Variants in MYO15A observed in about 807,000 individuals in gnomAD.
MYO15A encodes the protein unconventional myosin-XV.
MYO15A carries 308 observed loss-of-function variants against 394.6 expected under a neutral mutation model. That is an observed-to-expected ratio of 0.78 (90% CI 0.71 to 0.86). The LOEUF is 0.86. MYO15A is among the 40% of genes least tolerant of loss of function. The pLI is 0.00. For synonymous variants in MYO15A, 1,957 were observed against 2,003.8 expected (o/e 0.98, Z 0.62); for missense variants, 4,606 against 4,799.1 (o/e 0.96, Z 1.19).
At position 18,151,443 on chromosome 17, in the gene MYO15A, A is replaced by G. The variant is rs904830939; in HGVS notation, c.7703A>G (p.His2568Arg). ...CGGTACTCTACGCTCAACTCTGAGC[A>G]CTTCCCACAGCCCACACAGCAGATC... is the stretch of plus-strand genomic sequence containing the variant. ...LVRYSTLNSE[H>R]FPQPTQQIKN... The change falls in exon 40 of 66, where the codon CAC (histidine) becomes CGC (arginine). Residue 2568 changes from histidine (H) to arginine (R), a missense_variant. Physicochemically the swap from His to Arg is conservative, Grantham distance 29 (BLOSUM62 0). Coordinates refer to ENST00000647165, the MANE Select transcript of MYO15A (RefSeq NM_016239.4). 1.9e-6 allele frequency: 3 copies of G among 1,614,052 alleles called. No individual in the cohort carries two copies. The African/African-American group carries it at 4.0e-5, about 22-fold the overall frequency.
intron 54 of MYO15A, 48 bp from the exon 55 acceptor site, chr17:18,159,558 G>A (rs1033554408): frequency 1.2e-6 from 2 of 1,605,214 alleles, no homozygotes; most frequent in African/African-American, 1.3e-5. Context: ...GGGGTGGGTG[G>A]GCAACTGGGG....
intron 65 of MYO15A, chr17:18,177,198 C>T (rs1379537635): frequency 2.0e-5 from 3 of 152,218 alleles, no homozygotes; most frequent in African/African-American, 7.2e-5. Flanking sequence ...GTGACTGAGA[C>T]CCCCTCAGCT....
Position 18,151,255 on chromosome 17 carries a change from C to T in MYO15A, c.7619C>T (p.Pro2540Leu). The T allele has an allele frequency of 1.2e-6, 2 of 1,614,202 alleles. No homozygotes were observed. The highest frequency in any genetic ancestry group is 1.7e-5 in the Admixed American group (1 of 60,028). ...PRLPIKPVAA[P>L]VLAQDQASPE... ...CTCCCCATCAAGCCTGTGGCTGCCC[C>T]TGTTCTAGCTCAGGATCAGGCTTCT... Residue 2540 changes from proline (P) to leucine (L), a missense_variant, in exon 39 of 66, where the codon CCT becomes CTT. Transcript: ENST00000647165.
intron 16 of MYO15A, 75 bp downstream of exon 16, chr17:18,137,754 T>C: frequency 6.7e-7 from 1 of 1,492,632 alleles, no homozygotes; most frequent in Non-Finnish European, 9.2e-7. Flanking sequence ...GATGAGGATA[T>C]ACTGGTTGTT....
At position 18,148,836 on chromosome 17, in the gene MYO15A, C is replaced by T. The variant is rs772401907; in HGVS notation, c.6840C>T (p.His2280=). 1.1e-5 allele frequency: 18 copies of T among 1,606,312 alleles called. No individual in the cohort carries two copies. Among genetic ancestry groups the T allele is most frequent in the Non-Finnish European group, 1.4e-5 (16 of 1,176,354 alleles). The change falls in exon 33 of 66, where the codon CAC becomes CAT. Residue 2280 remains histidine (H), a synonymous_variant. Transcript: ENST00000647165. The surrounding 1 kb of genome is among the most constrained non-coding windows in gnomAD (Gnocchi z 4.8). ...TCCAGTGGGCAGAGCTGGCTGGCCA[C>T]GACTACGTGTTAGACCTGGTGTCGG... The part of the protein sequence containing the change: ...NGVQWAELAG[H]DYVLDLVSDL...
rs368814566 is a variant in MYO15A at position 18,119,573 on chromosome 17, A to C, written c.773A>C (p.Glu258Ala). The C allele has an allele frequency of 7.0e-5, 113 of 1,606,090 alleles. No individual in the cohort carries two copies. The highest frequency in any genetic ancestry group is 9.6e-5 in the Non-Finnish European group (113 of 1,179,916). ...TCACTCCACCGCTACGAGGAGCAGG[A>C]ACCCTACCTGGCGGGCCTCGGCCCC... The part of the protein sequence containing the change: ...RQSLHRYEEQ[E>A]PYLAGLGPYS... Residue 258 changes from glutamate to alanine, a missense_variant, in exon 2 of 66, where the codon GAA becomes GCA. Glu to Ala is a moderately radical substitution (Grantham distance 107). Around this residue, in one of 2 missense-constraint regions of MYO15A, gnomAD observed 1,830 missense variants for 1,689.7 expected, o/e 1.08. Transcript: ENST00000647165.
chr17:18,130,819 T>A lies in MYO15A; in HGVS notation c.4038+9T>A, dbSNP rs1203908362. The A allele has an allele frequency of 1.7e-5, 8 of 463,358 alleles. No individual in the cohort carries two copies. The highest frequency in any genetic ancestry group is 8.4e-5 in the South Asian group (2 of 23,744). 28.7% of individuals were successfully genotyped at this position (463,358 alleles called of 1,614,324 possible). A position where few individuals can be genotyped will look rare whatever the true frequency, so the allele number is the denominator to read the frequency against. On this transcript the variant is annotated intron_variant, in intron 8 of 65. Coordinates refer to ENST00000647165, the MANE Select transcript of MYO15A (RefSeq NM_016239.4). Reference sequence around the variant, plus strand: ...CGCTCTTGAAGATAAAGGTACTCAGTGTGTGTGTGTGTGTGTGTGTGTGTG... The same window carrying A: ...CGCTCTTGAAGATAAAGGTACTCAGAGTGTGTGTGTGTGTGTGTGTGTGTG...
In MYO15A at chr17:18,150,649, G is replaced by A. The variant is rs2046562876; in HGVS notation, c.7328-49G>A. The A allele has an allele frequency of 6.3e-7, 1 of 1,598,760 alleles. No individual in the cohort carries two copies. The highest frequency in any genetic ancestry group is 8.5e-7 in the Non-Finnish European group (1 of 1,171,332). On this transcript the variant is annotated intron_variant, in intron 36 of 65. Coordinates refer to ENST00000647165, the MANE Select transcript of MYO15A (RefSeq NM_016239.4). This position sits in a 1 kb window ranked among gnomAD's most constrained non-coding sequence, Gnocchi z 4.4. Reference sequence around the variant, plus strand: ...GCATGATGGGGGCTGAGAGGACAGGGAGGAGGGCATCTCCGGTGCCATCTG... The same window carrying A: ...GCATGATGGGGGCTGAGAGGACAGGAAGGAGGGCATCTCCGGTGCCATCTG...
Position 18,141,082 on chromosome 17 carries a change from A to T in MYO15A, c.5470A>T (p.Thr1824Ser). ...ATTACGCTATTCAGGGGTGCTGGAG[A>T]CCGTGAGGATCCGCAAGGAGGGATT... is the stretch of plus-strand genomic sequence containing the variant. The part of the protein sequence containing the change: ...AQLRYSGVLE[T>S]VRIRKEGFPV... The change falls in exon 22 of 66, where the codon ACC becomes TCC. Residue 1824 changes from threonine (T) to serine (S), a missense_variant. Transcript: ENST00000647165. The T allele has an allele frequency of 6.2e-7, 1 of 1,613,962 alleles. No homozygotes were observed. Among genetic ancestry groups the T allele is most frequent in the Non-Finnish European group, 8.5e-7 (1 of 1,180,026 alleles).
In MYO15A at chr17:18,153,726, A is replaced by T. The variant is rs777260429; in HGVS notation, c.7967-49A>T. On this transcript the variant is annotated intron_variant, in intron 42 of 65. Transcript: ENST00000647165. The surrounding 1 kb of genome is among the most constrained non-coding windows in gnomAD (Gnocchi z 4.1). The stretch of plus-strand genomic sequence containing the variant: ...AAATATATATATATATTAATTAAAT[A>T]AAAAAACGAGGTGCCTTCTCCTGAC... The T allele has an allele frequency of 1.3e-6, 2 of 1,576,686 alleles. No individual in the cohort carries two copies. The highest frequency in any genetic ancestry group is 1.7e-6 in the Non-Finnish European group (2 of 1,164,404).
At chr17:18,171,503 C>A in intron 62 of MYO15A, 135 bp from the exon 63 acceptor site, 1 of 1,357,406 alleles carries the variant, frequency 7.4e-7, no homozygotes, top group Non-Finnish European at 1.0e-6. Flanking sequence ...CACTTTCAGC[C>A]CATTTACACT....
At position 18,178,763 on chromosome 17, in the gene MYO15A, C is replaced by T; in HGVS notation, c.10492-6C>T. On this transcript the variant is annotated splice_polypyrimidine_tract_variant and splice_region_variant and intron_variant, in intron 65 of 65. Transcript: ENST00000647165. ...GATGGGCGTGGACTGTCACTGTCAC[C>T]TGCAGGGACTGGAACTGTGTCGTGT... 6.2e-7 allele frequency: 1 copy of T among 1,613,690 alleles called. No individual in the cohort carries two copies. The highest frequency in any genetic ancestry group is 8.5e-7 in the Non-Finnish European group (1 of 1,179,674).
At chr17:18,109,940 G>A (rs1218137587) in intron 1 of MYO15A, 1 of 152,178 alleles carries the variant, frequency 6.6e-6, no homozygotes, top group African/African-American at 2.4e-5. Flanking sequence ...AAGCCGAGTC[G>A]AGACCCTCTC....
At position 18,132,591 on chromosome 17, in the gene MYO15A, G is replaced by A. The variant is rs746291581; in HGVS notation, c.4320+25G>A. 38 of 1,590,654 alleles carry A rather than the reference G, an allele frequency of 2.4e-5. No homozygotes were observed. The East Asian group carries it at 7.4e-4, about 31-fold the overall frequency. ...GGTGAGTGCCAGCAGGCATCTGAAG[G>A]CCCCTGGCCCTGGTCCTCCCACCCC... is the stretch of plus-strand genomic sequence containing the variant. On this transcript the variant is annotated intron_variant, in intron 11 of 65. Transcript: ENST00000647165. This position sits in a 1 kb window ranked among gnomAD's most constrained non-coding sequence, Gnocchi z 4.6.
At chr17:18,149,716 C>T in intron 35 of MYO15A, 136 bp downstream of exon 35, 4 of 872,064 alleles carry the variant, frequency 4.6e-6, no homozygotes, top group Admixed American at 2.0e-5. Context: ...TGGATGTCTG[C>T]TGGAGGCTGG....
intron 30 of MYO15A, 135 bp downstream of exon 30, chr17:18,146,242 C>T: frequency 1.1e-6 from 1 of 934,544 alleles, no homozygotes; most frequent in Admixed American, 2.0e-5. Flanking sequence ...CTGGCCAGGG[C>T]TGCTCTGCAT....
rs780749414 is a variant in MYO15A, at chr17:18,122,194, C to T, written c.3394C>T (p.Pro1132Ser). ...GCTGAGCTCTTTCCAGCGAGTTGGG[C>T]CTGCAACCCTGAAGCCTCAAGTCCA... ...QKLSSFQRVGPATLKPQVQPI... is the reference protein window; with the variant it reads ...QKLSSFQRVGSATLKPQVQPI... The change falls in exon 2 of 66, where the codon CCT (proline) becomes TCT (serine). Residue 1132 changes from proline to serine, a missense_variant. Transcript: ENST00000647165. The T allele has an allele frequency of 1.2e-6, 2 of 1,613,036 alleles. No homozygotes were observed. Among genetic ancestry groups the T allele is most frequent in the Non-Finnish European group, 1.7e-6 (2 of 1,180,032 alleles).
rs773934396 is a variant in MYO15A, at chr17:18,151,266, C to G, written c.7630C>G (p.Gln2544Glu). The change falls in exon 39 of 66, where the codon CAG becomes GAG. Residue 2544 changes from glutamine (Q) to glutamate (E), a missense_variant. By Grantham distance (29) the Gln-to-Glu change is conservative (BLOSUM62 2). Around this residue, in one of 2 missense-constraint regions of MYO15A, gnomAD observed 2,776 missense variants for 3,109.3 expected, o/e 0.89. Coordinates refer to ENST00000647165, the MANE Select transcript of MYO15A (RefSeq NM_016239.4). ...IKPVAAPVLA[Q>E]DQASPETTSP... Reference sequence around the variant, plus strand: ...GCCTGTGGCTGCCCCTGTTCTAGCTCAGGATCAGGCTTCTCCAGAAACCAG... The same window carrying G: ...GCCTGTGGCTGCCCCTGTTCTAGCTGAGGATCAGGCTTCTCCAGAAACCAG... 6.2e-7 allele frequency: 1 copy of G among 1,614,188 alleles called. No homozygotes were observed. The highest frequency in any genetic ancestry group is 8.5e-7 in the Non-Finnish European group (1 of 1,180,032).
intron 13 of MYO15A, among the ~76,000 whole-genome samples, chr17:18,136,120 G>A (rs1219064624): frequency 6.6e-6 from 1 of 152,150 alleles, no homozygotes; most frequent in Non-Finnish European, 1.5e-5. Flanking sequence ...CTTTGGACGG[G>A]TCAGTGCCTC....
Sources: gnomAD v4.1 joint callset for allele counts (sites outside exome capture counted in the v4.1 genomes callset) on GRCh38, gnomAD v4.1.1 for gene constraint, gnomAD v4.1.1 regional missense constraint, Gnocchi (gnomAD v3.1) non-coding constraint, MANE v1.5 for transcripts, NCBI Gene and HGNC (gene_info 2026-07-23, HGNC 2026-07-21) for gene names.